RAF1: variants seen among roughly 807,000 people sequenced by gnomAD.
RAF1 encodes Raf-1 proto-oncogene, serine/threonine kinase, also known as RAF proto-oncogene serine/threonine-protein kinase.
In RAF1, 27 loss-of-function variants were observed where a neutral mutation model predicts 81.1. The observed-to-expected ratio is 0.33, with a 90% confidence interval of 0.25 to 0.46. RAF1 has a LOEUF of 0.46. Ranked by LOEUF, RAF1 falls within the 20% of genes least tolerant of loss-of-function variation. RAF1 has a pLI of 1.00. For synonymous variants in RAF1, 298 were observed against 294.0 expected, an observed-to-expected ratio of 1.01 and a Z score of -0.14; for missense variants, 598 against 826.0, an observed-to-expected ratio of 0.72 and a Z score of 3.38.
chr3:12,612,285 G>C (rs2059236964), intron 2 of RAF1, among the ~76,000 whole-genome samples: 1 of 152,144 alleles, frequency 6.6e-6, no homozygotes, highest in Admixed American at 6.5e-5. Context: ...ATAATGACCT[G>C]GATGGAGAGG....
At chr3:12,613,340 G>A (rs1487848150) in intron 2 of RAF1, among the ~76,000 whole-genome samples, 2 of 152,144 alleles carry the variant, frequency 1.3e-5, no homozygotes, top group African/African-American at 2.4e-5. Flanking sequence ...CAGTGCTTGT[G>A]AACTGCCTAC....
At chr3:12,638,679 C>A (rs1238889794) in intron 1 of RAF1, among the ~76,000 whole-genome samples, 1 of 152,110 alleles carries the variant, frequency 6.6e-6, no homozygotes, top group Non-Finnish European at 1.5e-5. Flanking sequence ...CTCACACATC[C>A]GATTTGTCTT....
chr3:12,660,701 G>T (rs1276349440), intron 1 of RAF1, among the ~76,000 whole-genome samples: 1 of 152,122 alleles, frequency 6.6e-6, no homozygotes, highest in Non-Finnish European at 1.5e-5. Flanking sequence ...TATCAGCCAG[G>T]CACAGTGGCT....
chr3:12,624,835 G>A lies in RAF1; in HGVS notation c.-26-6088C>T, dbSNP rs558466206. Among the ~76,000 whole-genome samples, 33 of 143,898 alleles carry A rather than the reference G, an allele frequency of 2.3e-4. 1 individual carries two copies. In the South Asian group the frequency reaches 6.9e-3, roughly 30 times the overall value. The allele number at this position is 143,898 out of a possible 152,430, so 94.4% of individuals were successfully genotyped here. ...CAGGAGGTGGAGGCTGCAGTGAGCC[G>A]AGATTGCGCCACTGCACTCCAGCCT... On this transcript the variant is annotated intron_variant, in intron 1 of 17. Coordinates refer to ENST00000442415, the MANE Select transcript of RAF1 (RefSeq NM_001354689.3).
chr3:12,606,706 A>T (rs76917752), intron 5 of RAF1, among the ~76,000 whole-genome samples: 1 of 148,840 alleles, frequency 6.7e-6, no homozygotes, highest in African/African-American at 2.5e-5. Context: ...TAATTTTCGT[A>T]TTTTTTTTTT....
At chr3:12,604,671 A>C (rs919457493) in intron 6 of RAF1, among the ~76,000 whole-genome samples, 4 of 152,224 alleles carry the variant, frequency 2.6e-5, no homozygotes, top group Non-Finnish European at 5.9e-5. Flanking sequence ...TTTAGAGACT[A>C]AATTTGAGAA....
At chr3:12,648,015 C>A (rs2060407778) in intron 1 of RAF1, among the ~76,000 whole-genome samples, 1 of 152,176 alleles carries the variant, frequency 6.6e-6, no homozygotes, top group African/African-American at 2.4e-5. Flanking sequence ...ACAAATGATA[C>A]CTGGAGCCAA....
intron 8 of RAF1, among the ~76,000 whole-genome samples, chr3:12,601,037 G>A (rs1179383192): frequency 6.6e-6 from 1 of 152,212 alleles, no homozygotes; most frequent in Non-Finnish European, 1.5e-5. Flanking sequence ...AAAAGCCAGG[G>A]TGGGGAGGTG....
chr3:12,646,281 T>C (rs1259419597), intron 1 of RAF1, among the ~76,000 whole-genome samples: 3 of 152,170 alleles, frequency 2.0e-5, no homozygotes, highest in South Asian at 2.1e-4. Flanking sequence ...GCTGGAAAAA[T>C]ATAATCTTTC....
chr3:12,636,153 G>A (rs1279157943), intron 1 of RAF1, among the ~76,000 whole-genome samples: 1 of 151,650 alleles, frequency 6.6e-6, no homozygotes, highest in East Asian at 1.9e-4. Context: ...GGGCATTGTG[G>A]TGGGCACCTG....
chr3:12,651,799 C>T (rs963169430), intron 1 of RAF1, among the ~76,000 whole-genome samples: 5 of 151,670 alleles, frequency 3.3e-5, no homozygotes, highest in African/African-American at 1.2e-4. Context: ...CACTTGAGGT[C>T]AGGAGGTTGA....
chr3:12,634,592 G>C (rs765762408), intron 1 of RAF1, among the ~76,000 whole-genome samples: 2 of 152,170 alleles, frequency 1.3e-5, no homozygotes, highest in Non-Finnish European at 1.5e-5. Flanking sequence ...GGTGACAACT[G>C]TGCACCGGAT....
At chr3:12,585,607 A>C (rs751114766) in intron 15 of RAF1, 74 bp downstream of exon 14, 105 of 1,425,026 alleles carry the variant, frequency 7.4e-5, no homozygotes, top group Non-Finnish European at 1.0e-4. Context: ...AAACGCTTTA[A>C]GTTTGCACAT....
intron 11 of RAF1, among the ~76,000 whole-genome samples, chr3:12,594,243 G>A (rs1338538883): frequency 6.6e-6 from 1 of 152,118 alleles, no homozygotes; most frequent in Non-Finnish European, 1.5e-5. Context: ...ACCCAATGAG[G>A]CAGTCAACTG....
At position 12,664,064 on chromosome 3, in the gene RAF1, A is replaced by G. The variant is rs962691206; in HGVS notation, c.-278T>C. The G allele has an allele frequency of 2.5e-5, 10 of 398,114 alleles. No homozygotes were observed. The highest frequency in any genetic ancestry group is 3.5e-5 in the Non-Finnish European group (8 of 225,866). The allele number at this position is 398,114 out of a possible 1,614,324, so 24.7% of individuals were successfully genotyped here. ...AGCAGAAAGCCGTTCCCGCCTCACAATCGTTTTCCTCTTACTCCCGCCATC... is the reference window on the plus strand; with the variant it reads ...AGCAGAAAGCCGTTCCCGCCTCACAGTCGTTTTCCTCTTACTCCCGCCATC... On this transcript the variant is annotated 5_prime_UTR_variant, in exon 1 of 18. Coordinates refer to ENST00000442415, the MANE Select transcript of RAF1 (RefSeq NM_001354689.3).
At chr3:12,663,680 T>C (rs2060956983) in intron 1 of RAF1, 133 bp downstream of exon 1, 1 of 386,898 alleles carries the variant, frequency 2.6e-6, no homozygotes, top group Non-Finnish European at 4.6e-6. Flanking sequence ...GACAACGGCC[T>C]GGCCCAAGCC....
intron 1 of RAF1, among the ~76,000 whole-genome samples, chr3:12,657,352 G>C (rs1447359403): frequency 1.3e-5 from 2 of 152,216 alleles, no homozygotes; most frequent in Non-Finnish European, 2.9e-5. Context: ...AAAGGAAGCT[G>C]GGTAGCTAGA....
At chr3:12,588,162 T>A (rs2058391327) in intron 13 of RAF1, 1 of 152,272 alleles carries the variant, frequency 6.6e-6, no homozygotes, top group South Asian at 2.1e-4. Context: ...GATAACCCAA[T>A]GTCCATAAAT....
intron 2 of RAF1, among the ~76,000 whole-genome samples, chr3:12,613,961 T>C (rs757148748): frequency 6.6e-6 from 1 of 152,212 alleles, no homozygotes. Flanking sequence ...ATCAATCATC[T>C]GGGAGAAGGA....
Sources: allele counts gnomAD v4.1 joint callset (sites outside exome capture counted in the v4.1 genomes callset), GRCh38; gene constraint gnomAD v4.1.1; transcripts MANE v1.5; gene names NCBI Gene and HGNC (gene_info 2026-07-23, HGNC 2026-07-21).